Variants in N4BP1 observed in about 807,000 individuals in gnomAD.
N4BP1 encodes the protein NEDD4 binding protein 1.
Under a neutral mutation model 70.9 loss-of-function variants are expected in N4BP1, and 21 were observed. The observed-to-expected ratio is 0.30, with a 90% CI of 0.21 to 0.43. The LOEUF (loss-of-function observed/expected upper bound fraction) is 0.43, where lower values mean the gene tolerates loss of function less well. N4BP1 is among the 20% of genes least tolerant of loss of function. The pLI, the probability that N4BP1 is intolerant of heterozygous loss-of-function variation, is 1.00. For synonymous variants in N4BP1, 387 were observed against 394.6 expected (o/e 0.98, Z 0.23); for missense variants, 936 against 1,069.4 (o/e 0.88, Z 1.74).
rs184549103 is a variant in N4BP1 at position 48,601,437 on chromosome 16, C to T, written c.198+8338G>A. 1.5e-3 allele frequency among the ~76,000 whole-genome samples: 221 copies of T among 151,732 alleles called. 2 individuals carry two copies. Among genetic ancestry groups the T allele is most frequent in the Admixed American group, 2.4e-3 (37 of 15,250 alleles). ...TGGAAAGTAGAATTTATGGGTACAA[C>T]ATCTGTTCATTATTTGCACATAAAA... On this transcript the variant is annotated intron_variant, in intron 1 of 6. Transcript: ENST00000262384.
At chr16:48,549,402 T>A (rs554387574) in intron 4 of N4BP1, among the ~76,000 whole-genome samples, 1 of 152,170 alleles carries the variant, frequency 6.6e-6, no homozygotes, top group Non-Finnish European at 1.5e-5. Flanking sequence ...TGAGAACATA[T>A]ATGCATGTTC....
chr16:48,544,215 G>A (rs957283330), intron 6 of N4BP1, among the ~76,000 whole-genome samples: 2 of 152,218 alleles, frequency 1.3e-5, no homozygotes, highest in Admixed American at 6.5e-5. Context: ...CCTCGTCTGT[G>A]TCATAAAACC....
At chr16:48,548,643 T>TTGAGACCAGTCTGGGCAACA (rs1467478460) in intron 4 of N4BP1, among the ~76,000 whole-genome samples, 2 of 151,944 alleles carry the variant, frequency 1.3e-5, no homozygotes, top group Non-Finnish European at 2.9e-5. Flanking sequence ...GCCCAGGAGT[T>TTGAGACCAGTCTGGGCAACA]TGAGACCAGT....
intron 1 of N4BP1, among the ~76,000 whole-genome samples, chr16:48,602,853 C>T (rs1200408156): frequency 6.6e-6 from 1 of 151,926 alleles, no homozygotes; most frequent in Non-Finnish European, 1.5e-5. Context: ...CATGGTGGCA[C>T]ATGCCTATAG....
At chr16:48,554,272 C>G (rs1052707) in intron 2 of N4BP1, among the ~76,000 whole-genome samples, 38 of 152,136 alleles carry the variant, frequency 2.5e-4, no homozygotes, top group African/African-American at 8.9e-4. Flanking sequence ...GCCACACAGT[C>G]TCTGTCATAC....
intron 6 of N4BP1, among the ~76,000 whole-genome samples, chr16:48,545,881 G>C (rs960207552): frequency 3.3e-5 from 5 of 151,916 alleles, no homozygotes; most frequent in Admixed American, 3.3e-4. Flanking sequence ...CAAAAAAAGA[G>C]CTGGGCATGG....
At chr16:48,586,668 A>C (rs112098251) in intron 1 of N4BP1, among the ~76,000 whole-genome samples, 3 of 152,278 alleles carry the variant, frequency 2.0e-5, no homozygotes, top group African/African-American at 7.2e-5. Flanking sequence ...TTTTACATCT[A>C]AACTATCTCT....
chr16:48,609,729 G>C lies in N4BP1; in HGVS notation c.198+46C>G, dbSNP rs374660707. 4.7e-4 allele frequency: 613 copies of C among 1,296,576 alleles called. 3 individuals are homozygous for C. The African/African-American group carries it at 8.4e-3, about 18-fold the overall frequency. 80.3% of individuals were successfully genotyped at this position (1,296,576 alleles called of 1,614,324 possible). Reference sequence around the variant, plus strand: ...GGGAGGAGCGGGAGCCCGGAGACCCGGACCGATCGAGGCCGCGGGCGCGCG... The same window carrying C: ...GGGAGGAGCGGGAGCCCGGAGACCCCGACCGATCGAGGCCGCGGGCGCGCG... On this transcript the variant is annotated intron_variant, in intron 1 of 6. Coordinates refer to ENST00000262384, the MANE Select transcript of N4BP1 (RefSeq NM_153029.4).
At chr16:48,555,509 A>G (rs1322941286) in intron 2 of N4BP1, among the ~76,000 whole-genome samples, 11 of 152,240 alleles carry the variant, frequency 7.2e-5, no homozygotes. Flanking sequence ...TGAACCATAA[A>G]TAAGATATTT....
At position 48,554,160 on chromosome 16, in the gene N4BP1, C is replaced by T. The variant is rs1963716249; in HGVS notation, c.1890-491G>A. Among the ~76,000 whole-genome samples the T allele has an allele frequency of 3.7e-5, 5 of 136,770 alleles. No individual in the cohort carries two copies. The Admixed American group carries it at 3.7e-4, about 10-fold the overall frequency. The allele number at this position is 136,770 out of a possible 152,430, so 89.7% of individuals were successfully genotyped here. On this transcript the variant is annotated intron_variant, in intron 2 of 6. Coordinates refer to ENST00000262384, the MANE Select transcript of N4BP1 (RefSeq NM_153029.4). ...AAGGCTATTTTAAGAATGCAGAAAG[C>T]AGGGAAAAAAGGTAAAAAAAAAAAA...
At chr16:48,609,406 C>T (rs946612973) in intron 1 of N4BP1, among the ~76,000 whole-genome samples, 41 of 152,292 alleles carry the variant, frequency 2.7e-4, no homozygotes, top group Non-Finnish European at 4.9e-4. Flanking sequence ...GGCCCAGCAA[C>T]AGGCCTTGCG....
intron 1 of N4BP1, among the ~76,000 whole-genome samples, chr16:48,583,747 T>A (rs1964204739): frequency 6.6e-6 from 1 of 152,244 alleles, no homozygotes; most frequent in Non-Finnish European, 1.5e-5. Flanking sequence ...CCCTCATTTA[T>A]GAGTTACCTG....
chr16:48,552,210 A>G (rs1439014760), intron 3 of N4BP1, among the ~76,000 whole-genome samples: 2 of 152,118 alleles, frequency 1.3e-5, no homozygotes, highest in African/African-American at 4.8e-5. Flanking sequence ...TAAATTCTCA[A>G]AGGTGTCCAT....
intron 1 of N4BP1, among the ~76,000 whole-genome samples, chr16:48,588,671 T>C (rs904818): frequency 0.4 from 60,805 of 151,458 alleles, 13,113 homozygotes; most frequent in African/African-American, 0.56. Context: ...CAAAAGAACT[T>C]CTGCAATGAT....
chr16:48,607,406 G>A (rs571403318), intron 1 of N4BP1, among the ~76,000 whole-genome samples: 65 of 152,298 alleles, frequency 4.3e-4, no homozygotes, highest in Non-Finnish European at 4.0e-4. Context: ...CAGAACATTG[G>A]AAAAATAAAG....
intron 1 of N4BP1, among the ~76,000 whole-genome samples, chr16:48,599,199 G>A (rs1054582244): frequency 1.3e-5 from 2 of 151,596 alleles, no homozygotes; most frequent in Non-Finnish European, 2.9e-5. Flanking sequence ...CACTGCCCCC[G>A]CCCCTCATCC....
At position 48,563,537 on chromosome 16, in the gene N4BP1, C is replaced by T. The variant is rs552320966; in HGVS notation, c.199-1093G>A. On this transcript the variant is annotated intron_variant, in intron 1 of 6. Transcript: ENST00000262384. ...AGTAGCTGGGATTACAGGCATGTGC[C>T]ACGACACCTGGCTAATTTTGTACGC... 8.1e-4 allele frequency among the ~76,000 whole-genome samples: 123 copies of T among 152,074 alleles called. 1 individual carries two copies. The highest frequency in any genetic ancestry group is 3.4e-3 in the Middle Eastern group (1 of 294).
At chr16:48,571,193 C>T (rs1383886092) in intron 1 of N4BP1, among the ~76,000 whole-genome samples, 1 of 152,158 alleles carries the variant, frequency 6.6e-6, no homozygotes, top group African/African-American at 2.4e-5. Flanking sequence ...TCACATGGGT[C>T]AAATACTATT....
intron 1 of N4BP1, among the ~76,000 whole-genome samples, chr16:48,609,458 T>C (rs1409006638): frequency 6.6e-6 from 1 of 152,132 alleles, no homozygotes; most frequent in Non-Finnish European, 1.5e-5. Flanking sequence ...ACAGGCGACA[T>C]GCGCAGCGCA....
Sources: gnomAD v4.1 joint callset for allele counts (sites outside exome capture counted in the v4.1 genomes callset) on GRCh38, gnomAD v4.1.1 for gene constraint, MANE v1.5 for transcripts, NCBI Gene and HGNC (gene_info 2026-07-23, HGNC 2026-07-21) for gene names.